Variants in AGAP1 observed in about 807,000 individuals in gnomAD.
AGAP1 encodes ArfGAP with GTPase domain, ankyrin repeat and PH domain 1.
Under a neutral mutation model 105.3 loss-of-function variants are expected in AGAP1, and 29 were observed. The ratio of observed to expected loss-of-function variants is 0.28; its 90% CI spans 0.21 to 0.38. AGAP1 has a LOEUF of 0.38. Among genes scored for constraint, AGAP1 ranks in the 10% least tolerant of loss-of-function variants. The probability of loss-of-function intolerance (pLI) is 1.00; values close to 1 mark genes in which losing one functional copy is unlikely to be tolerated. For synonymous variants in AGAP1, 509 were observed against 485.9 expected (o/e 1.05, Z -0.63); for missense variants, 998 against 1,165.1 (o/e 0.86, Z 2.09).
rs1343612010 is a variant in AGAP1, at chr2:235,754,473, A to G, written c.673+3985A>G. 2.0e-5 allele frequency among the ~76,000 whole-genome samples: 3 copies of G among 151,730 alleles called. No homozygotes were observed. The highest frequency in any genetic ancestry group is 4.4e-5 in the Non-Finnish European group (3 of 67,974). ...CTGCTTCCATTGCCCTGCGGAGGCCATGTTCCTGATTGGCTCTGTACCGAG... is the reference window on the plus strand; with the variant it reads ...CTGCTTCCATTGCCCTGCGGAGGCCGTGTTCCTGATTGGCTCTGTACCGAG... On this transcript the variant is annotated intron_variant, in intron 6 of 17. Transcript: ENST00000304032. The surrounding 1 kb of genome is among the most constrained non-coding windows in gnomAD (Gnocchi z 4.6).
chr2:236,119,462 C>T lies in AGAP1; in HGVS notation c.2115-730C>T, dbSNP rs1190593066. Among the ~76,000 whole-genome samples the T allele has an allele frequency of 1.3e-5, 2 of 152,184 alleles. No homozygotes were observed. Among genetic ancestry groups the T allele is most frequent in the East Asian group, 3.9e-4 (2 of 5,186 alleles). On this transcript the variant is annotated intron_variant, in intron 16 of 17. Coordinates refer to ENST00000304032, the MANE Select transcript of AGAP1 (RefSeq NM_001037131.3). The surrounding 1 kb of genome is among the most constrained non-coding windows in gnomAD (Gnocchi z 6.6). ...CGTGAGTCTGTTGCCATGTTTTCCT[C>T]AGCTGAAAGGGTTTGGAGACCCTGG... is the stretch of plus-strand genomic sequence containing the variant.
chr2:235,603,113 A>G (rs1435151328), intron 1 of AGAP1, among the ~76,000 whole-genome samples: 1 of 152,148 alleles, frequency 6.6e-6, no homozygotes, highest in Non-Finnish European at 1.5e-5. Flanking sequence ...AGTGGGGGAT[A>G]ATTGAATCAT....
In AGAP1 at chr2:235,976,372, G is replaced by A. The variant is rs1341218451; in HGVS notation, c.1645+7749G>A. On this transcript the variant is annotated intron_variant, in intron 13 of 17. Coordinates refer to ENST00000304032, the MANE Select transcript of AGAP1 (RefSeq NM_001037131.3). The surrounding 1 kb of genome is among the most constrained non-coding windows in gnomAD (Gnocchi z 4.5). ...CCATCCTGCAGGGTACAGTCCGGCC[G>A]CCACAAACACACACAAGCAGTAAGC... Among the ~76,000 whole-genome samples, 1 of 152,104 alleles carries A rather than the reference G, an allele frequency of 6.6e-6. No individual in the cohort carries two copies. The highest frequency in any genetic ancestry group is 2.4e-5 in the African/African-American group (1 of 41,410).
intron 1 of AGAP1, among the ~76,000 whole-genome samples, chr2:235,589,367 G>A (rs1209827354): frequency 3.3e-5 from 5 of 151,752 alleles, no homozygotes; most frequent in African/African-American, 1.2e-4. Context: ...CACCATGCCC[G>A]GCTAACATTT....
intron 13 of AGAP1, among the ~76,000 whole-genome samples, chr2:236,033,003 G>A (rs2057271773): frequency 6.6e-6 from 1 of 152,146 alleles, no homozygotes; most frequent in African/African-American, 2.4e-5. Context: ...CCCAGCATTT[G>A]GGGAGGCCAA....
intron 1 of AGAP1, among the ~76,000 whole-genome samples, chr2:235,632,315 G>A (rs1314932287): frequency 6.6e-6 from 1 of 152,216 alleles, no homozygotes; most frequent in Non-Finnish European, 1.5e-5. Context: ...GTCAGTTTCT[G>A]AGCTTCAGAG....
At position 235,578,800 on chromosome 2, in the gene AGAP1, A is replaced by AATTTT. The variant is rs367778173; in HGVS notation, c.163+83951_163+83952insATTTT. Among the ~76,000 whole-genome samples the AATTTT allele has an allele frequency of 6.5e-4, 91 of 139,792 alleles. No individual in the cohort carries two copies. Among genetic ancestry groups the AATTTT allele is most frequent in the South Asian group, 2.1e-3 (9 of 4,326 alleles). 91.7% of individuals were successfully genotyped at this position (139,792 alleles called of 152,430 possible). A position where few individuals can be genotyped will look rare whatever the true frequency, so the allele number is the denominator to read the frequency against. ...ACTCAGTCTCAAAAAAAAAAAAAAA[A>AATTTT]TTTTTTTTTTACAATAAGCTATTTA... is the stretch of plus-strand genomic sequence containing the variant. On this transcript the variant is annotated intron_variant, in intron 1 of 17. Coordinates refer to ENST00000304032, the MANE Select transcript of AGAP1 (RefSeq NM_001037131.3). The surrounding 1 kb of genome is among the most constrained non-coding windows in gnomAD (Gnocchi z 4.9).
rs1380933924 is a variant in AGAP1, at chr2:236,082,198, T to C, written c.2114+32917T>C. Among the ~76,000 whole-genome samples, 3 of 152,240 alleles carry C rather than the reference T, an allele frequency of 2.0e-5. No individual in the cohort carries two copies. Among genetic ancestry groups the C allele is most frequent in the African/African-American group, 7.2e-5 (3 of 41,466 alleles). On this transcript the variant is annotated intron_variant, in intron 16 of 17. Coordinates refer to ENST00000304032, the MANE Select transcript of AGAP1 (RefSeq NM_001037131.3). The surrounding 1 kb of genome is among the most constrained non-coding windows in gnomAD (Gnocchi z 4.2). ...ACCTATCATTTTTCACCACGGGATA[T>C]TTACAGCTTCAATCAGTGCCAAATT...
rs1345645887 is a variant in AGAP1 at position 236,120,043 on chromosome 2, T to G, written c.2115-149T>G. The G allele has an allele frequency of 8.9e-7, 1 of 1,126,624 alleles. No individual in the cohort carries two copies. Among genetic ancestry groups the G allele is most frequent in the African/African-American group, 1.6e-5 (1 of 63,662 alleles). 69.8% of individuals were successfully genotyped at this position (1,126,624 alleles called of 1,614,324 possible). ...CTGTTTTGTGAAGGTGGATAAACGT[T>G]TCCCCCAGGGGGCTTTGTGCCGAGT... On this transcript the variant is annotated intron_variant, in intron 16 of 17. Transcript: ENST00000304032. The surrounding 1 kb of genome is among the most constrained non-coding windows in gnomAD (Gnocchi z 6.0).
At chr2:235,542,849 G>A (rs1018659559) in intron 1 of AGAP1, among the ~76,000 whole-genome samples, 2 of 152,160 alleles carry the variant, frequency 1.3e-5, no homozygotes, top group East Asian at 1.9e-4. Context: ...TTCTCAGACC[G>A]AGGCCCCTCC....
chr2:235,503,784 C>G (rs954651249), intron 1 of AGAP1, among the ~76,000 whole-genome samples: 1 of 152,076 alleles, frequency 6.6e-6, no homozygotes, highest in African/African-American at 2.4e-5. Flanking sequence ...TCAGTAGAGA[C>G]GGGGTTTCAC....
intron 9 of AGAP1, among the ~76,000 whole-genome samples, chr2:235,870,793 G>C (rs964742958): frequency 6.6e-5 from 10 of 152,174 alleles, no homozygotes; most frequent in African/African-American, 1.2e-4. Context: ...TCTGCCCTCT[G>C]CCTTTCCCAT....
rs1946617368 is a variant in AGAP1 at position 235,625,733 on chromosome 2, T to C, written c.164-83446T>C. On this transcript the variant is annotated intron_variant, in intron 1 of 17. Coordinates refer to ENST00000304032, the MANE Select transcript of AGAP1 (RefSeq NM_001037131.3). This position sits in a 1 kb window ranked among gnomAD's most constrained non-coding sequence, Gnocchi z 4.0. The stretch of plus-strand genomic sequence containing the variant: ...TCGTCTGAAATATATTATGGTTTGT[T>C]TGTAGCTTCAGCTAGTACTTTTCAT... Among the ~76,000 whole-genome samples the C allele has an allele frequency of 6.6e-6, 1 of 152,184 alleles. No homozygotes were observed. Among genetic ancestry groups the C allele is most frequent in the Non-Finnish European group, 1.5e-5 (1 of 68,044 alleles).
chr2:235,699,379 C>T (rs913342517), intron 1 of AGAP1, among the ~76,000 whole-genome samples: 8 of 146,064 alleles, frequency 5.5e-5, no homozygotes, highest in Non-Finnish European at 1.0e-4. Context: ...GGTGCTTGTT[C>T]CCTTTAGCAG....
intron 9 of AGAP1, among the ~76,000 whole-genome samples, chr2:235,870,635 A>C (rs1268517854): frequency 1.3e-5 from 2 of 152,128 alleles, no homozygotes; most frequent in Non-Finnish European, 2.9e-5. Context: ...TGGAAAAAAA[A>C]AAAAATGATG....
In AGAP1 at chr2:236,038,358, C is replaced by A. The variant is rs142286795; in HGVS notation, c.1800+1643C>A. Among the ~76,000 whole-genome samples, 771 of 152,322 alleles carry A rather than the reference C, an allele frequency of 5.1e-3. 13 individuals are homozygous for A. Among genetic ancestry groups the A allele is most frequent in the African/African-American group, 0.018 (738 of 41,564 alleles). On this transcript the variant is annotated intron_variant, in intron 14 of 17. Transcript: ENST00000304032. The surrounding 1 kb of genome is among the most constrained non-coding windows in gnomAD (Gnocchi z 4.5). ...ATGGAGAAATCACAGTCTTTCACGG[C>A]AGACTCTGAGCCCCTGCCACCTCGA...
chr2:235,915,595 G>A (rs951030230), intron 11 of AGAP1, among the ~76,000 whole-genome samples: 2 of 152,142 alleles, frequency 1.3e-5, no homozygotes, highest in Non-Finnish European at 2.9e-5. Context: ...AATAGCTTGA[G>A]CCCAAGAGGT....
At chr2:235,709,864 C>T (rs1486294234) in intron 2 of AGAP1, among the ~76,000 whole-genome samples, 4 of 152,092 alleles carry the variant, frequency 2.6e-5, no homozygotes, top group African/African-American at 4.8e-5. Context: ...AAGGAAGGGG[C>T]AAGTCTAACT....
chr2:235,775,840 A>G (rs1340723707), intron 6 of AGAP1: 1 of 151,958 alleles, frequency 6.6e-6, no homozygotes, highest in East Asian at 1.9e-4. Context: ...CATTTTAGGA[A>G]TTTCTGATAT....
Sources: gnomAD v4.1 joint callset for allele counts (sites outside exome capture counted in the v4.1 genomes callset) on GRCh38, gnomAD v4.1.1 for gene constraint, Gnocchi (gnomAD v3.1) non-coding constraint, MANE v1.5 for transcripts, NCBI Gene and HGNC (gene_info 2026-07-23, HGNC 2026-07-21) for gene names.